Variants in EOLA2 observed in about 807,000 individuals in gnomAD.
The protein encoded by EOLA2 is endothelium and lymphocyte associated ASCH domain 2.
In EOLA2, 3 loss-of-function variants were observed where a neutral mutation model predicts 4.1. That is an observed-to-expected ratio of 0.73 (90% CI 0.33 to 1.89). The LOEUF (loss-of-function observed/expected upper bound fraction) is 1.89. Ranked by LOEUF, EOLA2 falls within the 40% of genes most tolerant of loss-of-function variation. The pLI, the probability that EOLA2 is intolerant of heterozygous loss-of-function variation, is 0.08. For synonymous variants in EOLA2, 52 were observed against 51.7 expected, an observed-to-expected ratio of 1.01 and a Z score of -0.03; for missense variants, 109 against 126.4, an observed-to-expected ratio of 0.86 and a Z score of 0.66.
In EOLA2 at chrX:149,933,803, C is replaced by T. The variant is rs782377265; in HGVS notation, c.72G>A (p.Glu24=). The T allele has an allele frequency of 5.0e-6, 6 of 1,205,253 alleles. No individual in the cohort carries two copies. Among genetic ancestry groups the T allele is most frequent in the Non-Finnish European group, 6.7e-6 (6 of 893,009 alleles). Reference sequence around the variant, plus strand: ...TGCTCAGCAGAGGACGCCAGCGCGTCTCCACAGTCTTGATTCCATTTAAGA... The same window carrying T: ...TGCTCAGCAGAGGACGCCAGCGCGTTTCCACAGTCTTGATTCCATTTAAGA... ...GFVLNGIKTV[E]TRWRPLLSSQ... The change falls in exon 4 of 5, where the codon GAG becomes GAA. Residue 24 remains glutamate, a synonymous_variant. Coordinates refer to ENST00000370406, the MANE Select transcript of EOLA2 (RefSeq NM_001013845.2).
chrX:149,934,634 G>C (rs1317389343), intron 2 of EOLA2: 1 of 751,351 alleles, frequency 1.3e-6, no homozygotes, highest in Admixed American at 8.7e-5. Flanking sequence ...CCTTCCACGT[G>C]CCAGCCTCTG....
intron 2 of EOLA2, among the ~76,000 whole-genome samples, chrX:149,935,034 C>T (rs1413090158): frequency 1.8e-5 from 2 of 111,945 alleles, no homozygotes; most frequent in Non-Finnish European, 3.8e-5. Context: ...CCCGTGGCCC[C>T]GCCCCCTGGC....
At position 149,933,886 on chromosome X, in the gene EOLA2, C is replaced by T. The variant is rs1352898812; in HGVS notation, c.-12G>A. On this transcript the variant is annotated 5_prime_UTR_variant, in exon 4 of 5. Transcript: ENST00000370406. ...CAGCCAAACTTCATCTTCGCAAGCG[C>T]CCCGGGCCTCCCGTAGCCTGCGGAA... is the stretch of plus-strand genomic sequence containing the variant. 2.5e-6 allele frequency: 3 copies of T among 1,196,549 alleles called. No individual in the cohort carries two copies. Among genetic ancestry groups the T allele is most frequent in the East Asian group, 3.0e-5 (1 of 33,500 alleles).
rs1484384525 is a variant in EOLA2 at position 149,933,700 on chromosome X, C to T, written c.175G>A (p.Glu59Lys). The T allele has an allele frequency of 4.1e-6, 5 of 1,206,111 alleles. No individual in the cohort carries two copies. Among genetic ancestry groups the T allele is most frequent in the Admixed American group, 4.4e-5 (2 of 45,671 alleles). The change falls in exon 4 of 5, where the codon GAG becomes AAG. Residue 59 changes from glutamate (E) to lysine (K), a missense_variant. Glu to Lys is a moderately conservative substitution (Grantham distance 56). Transcript: ENST00000370406. ...TGAGCAGGAGTCATCCCGAGTCTCT[C>T]CACCAGCAGCTCCCGACAGGCATCG... ...EGDACRELLV[E>K]RLGMTPAQIQ...
intron 2 of EOLA2, among the ~76,000 whole-genome samples, chrX:149,936,055 G>A (rs1291734714): frequency 1.0e-5 from 1 of 97,460 alleles, no homozygotes; most frequent in Non-Finnish European, 2.0e-5. Flanking sequence ...CACTGCCATC[G>A]GAATGATCTT....
At chrX:149,934,672 T>C in intron 2 of EOLA2, 1 of 751,055 alleles carries the variant, frequency 1.3e-6, no homozygotes, top group Non-Finnish European at 1.6e-6. Flanking sequence ...GATCATCAAA[T>C]TGAATCTTCA....
chrX:149,934,241 A>AGCGGAGAGTCGGG, intron 2 of EOLA2, 104 bp from the exon 3 acceptor site: 1 of 763,922 alleles, frequency 1.3e-6, no homozygotes, highest in Non-Finnish European at 1.6e-6. Context: ...GCCTAGCCAG[A>AGCGGAGAGTCGGG]GCGGAGAGTC....
At chrX:149,934,564 C>T in intron 2 of EOLA2, 1 of 754,008 alleles carries the variant, frequency 1.3e-6, no homozygotes, top group Non-Finnish European at 1.6e-6. Flanking sequence ...CGCCCCTGTC[C>T]CAATCTGAGC....
downstream of EOLA2, among the ~76,000 whole-genome samples, chrX:149,931,804 C>CAA (rs782666125): frequency 1.9e-4 from 9 of 46,774 alleles, no homozygotes; most frequent in East Asian, 7.1e-4. Context: ...GCTAAATCAC[C>CAA]AAAAAAAAAA....
chrX:149,935,011 C>T (rs1270392750), intron 2 of EOLA2, among the ~76,000 whole-genome samples: 66 of 112,237 alleles, frequency 5.9e-4, no homozygotes, highest in Middle Eastern at 4.7e-3. Context: ...AGTGGCCGCC[C>T]TCACCCCTCA....
At position 149,933,878 on chromosome X, in the gene EOLA2, C is replaced by T. The variant is rs200141791; in HGVS notation, c.-4G>A. On this transcript the variant is annotated 5_prime_UTR_variant, in exon 4 of 5. Coordinates refer to ENST00000370406, the MANE Select transcript of EOLA2 (RefSeq NM_001013845.2). ...AGGAGAGGCAGCCAAACTTCATCTT[C>T]GCAAGCGCCCCGGGCCTCCCGTAGC... 7.0e-4 allele frequency: 844 copies of T among 1,199,151 alleles called. 36 individuals are homozygous for T. The African/African-American group carries it at 0.013, about 18-fold the overall frequency.
At chrX:149,931,289 T>C, downstream of EOLA2, 1 of 364,607 alleles carries the variant, frequency 2.7e-6, no homozygotes. Context: ...AAATGAGAAC[T>C]GTTGTCTGTG....
chrX:149,930,863 A>G (rs2090865339), downstream of EOLA2: 9 of 825,810 alleles, frequency 1.1e-5, no homozygotes, highest in East Asian at 3.9e-4. Context: ...GAGTGCCACT[A>G]GGCATCCCCT....
At chrX:149,937,530 A>G (rs2091027960) in intron 1 of EOLA2, 50 bp from the exon 2 acceptor site, 4 of 390,533 alleles carry the variant, frequency 1.0e-5, no homozygotes, top group Non-Finnish European at 1.3e-5. Context: ...GCAAGTCAGC[A>G]AAGCTGGTTA....
At chrX:149,937,019 C>G (rs782128914) in intron 2 of EOLA2, among the ~76,000 whole-genome samples, 56 of 110,175 alleles carry the variant, frequency 5.1e-4, no homozygotes, top group African/African-American at 1.8e-3. Context: ...ATGCCTCGGC[C>G]GCCTGGCACG....
downstream of EOLA2, among the ~76,000 whole-genome samples, chrX:149,931,878 C>T: frequency 1.0e-5 from 1 of 99,386 alleles, no homozygotes; most frequent in Non-Finnish European, 2.0e-5. Context: ...GTTAACCTCA[C>T]TCTACTAGAG....
At chrX:149,931,455 C>T (rs1254912018), downstream of EOLA2, among the ~76,000 whole-genome samples, 13 of 107,529 alleles carry the variant, frequency 1.2e-4, no homozygotes, top group African/African-American at 4.4e-4. Flanking sequence ...TAGGAAGTGT[C>T]GAGGCCAAGC....
In EOLA2 at chrX:149,932,622, G is replaced by A. The variant is rs143937980; in HGVS notation, c.399C>T (p.Pro133=). 9.1e-6 allele frequency: 11 copies of A among 1,203,589 alleles called. No individual in the cohort carries two copies. ...VISNPRWLLE[P]IPRKGGKDVF... is the part of the protein sequence containing the mutation. ...CATCCTTGCCTCCTTTCCTAGGTAT[G>A]GGCTCCAGTAACCACCTGGGGTTTG... Residue 133 remains proline, a synonymous_variant, in exon 5 of 5, where the codon CCC becomes CCT. Coordinates refer to ENST00000370406, the MANE Select transcript of EOLA2 (RefSeq NM_001013845.2).
Position 149,932,323 on chromosome X carries a change from G to GTGCC in EOLA2, c.*217_*220dup. On this transcript the variant is annotated 3_prime_UTR_variant, in exon 5 of 5. Transcript: ENST00000370406. ...TCAAAGTACTTGAGACATTGCCTGTGTGCCTAAGGAGGCATCACACAAGGA... is the reference window on the plus strand; with the variant it reads ...TCAAAGTACTTGAGACATTGCCTGTGTGCCTGCCTAAGGAGGCATCACACAAGGA... 1 of 871,638 alleles carries GTGCC rather than the reference G, an allele frequency of 1.1e-6. No individual in the cohort carries two copies. Among genetic ancestry groups the GTGCC allele is most frequent in the Non-Finnish European group, 1.5e-6 (1 of 660,460 alleles). The allele number at this position is 871,638 out of a possible 1,213,427, so 71.8% of individuals were successfully genotyped here.
Sources: gnomAD v4.1 joint callset for allele counts (sites outside exome capture counted in the v4.1 genomes callset) on GRCh38, gnomAD v4.1.1 for gene constraint, MANE v1.5 for transcripts, NCBI Gene and HGNC (gene_info 2026-07-23, HGNC 2026-07-21) for gene names.